DPP10: variants seen among roughly 807,000 people sequenced by gnomAD.
DPP10 encodes dipeptidyl peptidase like 10.
DPP10 carries 33 observed loss-of-function variants against 120.9 expected under a neutral mutation model. That is an observed-to-expected ratio of 0.27 (90% CI 0.21 to 0.37). The LOEUF is 0.37. DPP10 is among the 10% of genes least tolerant of loss of function. The pLI is 1.00. For missense variants in DPP10, 816 were observed against 942.8 expected, an observed-to-expected ratio of 0.87 and a Z score of 1.76; for synonymous variants, 337 against 326.1, an observed-to-expected ratio of 1.03 and a Z score of -0.36.
chr2:114,751,036 G>A (rs1183850919), intron 1 of DPP10, among the ~76,000 whole-genome samples: 1 of 152,182 alleles, frequency 6.6e-6, no homozygotes, highest in Non-Finnish European at 1.5e-5. Flanking sequence ...ATGTTAATTA[G>A]CACCAAACAA....
chr2:114,999,981 G>C (rs776469584), intron 1 of DPP10, among the ~76,000 whole-genome samples: 9 of 151,038 alleles, frequency 6.0e-5, no homozygotes, highest in African/African-American at 2.2e-4. Context: ...ACATGCATGT[G>C]TATAAACCCA....
intron 1 of DPP10, among the ~76,000 whole-genome samples, chr2:114,593,515 C>T (rs974686858): frequency 2.0e-5 from 3 of 152,158 alleles, no homozygotes; most frequent in South Asian, 2.1e-4. Flanking sequence ...TCTAAATCCC[C>T]GCAAATCTCC....
chr2:114,522,231 G>T (rs959107587), intron 1 of DPP10, among the ~76,000 whole-genome samples: 1 of 151,502 alleles, frequency 6.6e-6, no homozygotes, highest in African/African-American at 2.4e-5. Flanking sequence ...TGATCCGCCC[G>T]CCTCGGCCTC....
chr2:115,116,548 T>A (rs2049516949), intron 1 of DPP10, among the ~76,000 whole-genome samples: 1 of 152,158 alleles, frequency 6.6e-6, no homozygotes, highest in South Asian at 2.1e-4. Flanking sequence ...CTACCTTTTG[T>A]TAGTTTCCTG....
chr2:115,228,721 T>C (rs1316204999), intron 1 of DPP10, among the ~76,000 whole-genome samples: 1 of 152,220 alleles, frequency 6.6e-6, no homozygotes, highest in Non-Finnish European at 1.5e-5. Context: ...TACTTTTATA[T>C]GGCTGGATAG....
chr2:114,590,937 C>T (rs1026348810), intron 1 of DPP10, among the ~76,000 whole-genome samples: 1 of 152,034 alleles, frequency 6.6e-6, no homozygotes, highest in Admixed American at 6.5e-5. Context: ...CCTATAAGGG[C>T]CATCTCTAGC....
chr2:114,537,704 G>A (rs1410635636), intron 1 of DPP10, among the ~76,000 whole-genome samples: 3 of 152,204 alleles, frequency 2.0e-5, no homozygotes, highest in Non-Finnish European at 4.4e-5. Flanking sequence ...AGGGAGATAA[G>A]ATGGGTTTCA....
Position 114,740,478 on chromosome 2 carries a change from G to A in DPP10, c.60+297640G>A, listed in dbSNP as rs185893923. On this transcript the variant is annotated intron_variant, in intron 1 of 25. Coordinates refer to ENST00000410059, the MANE Select transcript of DPP10 (RefSeq NM_020868.6). ...CATATGTAACTAACCTGCACATTGT[G>A]CACATGTACCCTAAAACTTAAAGTA... Among the ~76,000 whole-genome samples the A allele has an allele frequency of 2.0e-5, 3 of 147,386 alleles. No homozygotes were observed. In the East Asian group the frequency reaches 5.8e-4, roughly 29 times the overall value.
intron 19 of DPP10, among the ~76,000 whole-genome samples, chr2:115,794,260 C>T (rs921499171): frequency 2.6e-5 from 4 of 152,112 alleles, no homozygotes; most frequent in African/African-American, 9.7e-5. Context: ...GATGGGTTTA[C>T]ATCCAAGGAA....
intron 1 of DPP10, among the ~76,000 whole-genome samples, chr2:114,899,205 T>C (rs1693324886): frequency 6.6e-6 from 1 of 152,016 alleles, no homozygotes; most frequent in African/African-American, 2.4e-5. Flanking sequence ...GTATTATGCA[T>C]GCATGTATTT....
intron 1 of DPP10, among the ~76,000 whole-genome samples, chr2:114,784,972 T>G (rs1406712563): frequency 6.6e-6 from 1 of 152,224 alleles, no homozygotes; most frequent in Non-Finnish European, 1.5e-5. Flanking sequence ...GTTTTTCAAG[T>G]CTTCCCCATT....
chr2:115,770,823 C>T (rs534170607), intron 13 of DPP10, among the ~76,000 whole-genome samples: 2 of 152,162 alleles, frequency 1.3e-5, no homozygotes, highest in Admixed American at 6.5e-5. Flanking sequence ...CTCATATTCT[C>T]ACACTTTTAA....
At chr2:115,666,201 C>A (rs979259205) in intron 5 of DPP10, among the ~76,000 whole-genome samples, 4 of 152,086 alleles carry the variant, frequency 2.6e-5, no homozygotes, top group African/African-American at 9.7e-5. Flanking sequence ...TTTCATGCTG[C>A]TATGAAGCAT....
intron 1 of DPP10, among the ~76,000 whole-genome samples, chr2:115,180,236 C>G (rs2053983914): frequency 6.6e-6 from 1 of 152,078 alleles, no homozygotes; most frequent in South Asian, 2.1e-4. Context: ...TGATAGAAAT[C>G]AACTACGACT....
intron 3 of DPP10, among the ~76,000 whole-genome samples, chr2:115,398,151 C>T (rs1475218159): frequency 6.7e-6 from 1 of 148,834 alleles, no homozygotes; most frequent in South Asian, 2.2e-4. Context: ...ATGCATTTCC[C>T]TGGAGTTTTT....
At chr2:114,558,212 T>C (rs944711910) in intron 1 of DPP10, among the ~76,000 whole-genome samples, 18 of 152,280 alleles carry the variant, frequency 1.2e-4, no homozygotes, top group African/African-American at 4.3e-4. Flanking sequence ...CATGTTGAGA[T>C]TGGCTGAGAG....
chr2:114,513,715 C>T (rs184918833), intron 1 of DPP10, among the ~76,000 whole-genome samples: 7 of 152,154 alleles, frequency 4.6e-5, no homozygotes, highest in Non-Finnish European at 7.4e-5. Flanking sequence ...CTAGCTAAGA[C>T]CTTTTCTCGT....
intron 1 of DPP10, among the ~76,000 whole-genome samples, chr2:115,080,008 G>A (rs553923076): frequency 1.3e-5 from 2 of 152,086 alleles, no homozygotes; most frequent in Non-Finnish European, 2.9e-5. Context: ...TATATTTATG[G>A]CTAACAGCCT....
intron 1 of DPP10, among the ~76,000 whole-genome samples, chr2:115,237,559 T>C (rs542035072): frequency 1.7e-4 from 26 of 152,208 alleles, no homozygotes; most frequent in African/African-American, 5.5e-4. Flanking sequence ...AGATTAAGCT[T>C]AATGAGGAAG....
Sources: gnomAD v4.1 joint callset for allele counts (sites outside exome capture counted in the v4.1 genomes callset) on GRCh38, gnomAD v4.1.1 for gene constraint, MANE v1.5 for transcripts, NCBI Gene and HGNC (gene_info 2026-07-23, HGNC 2026-07-21) for gene names.